Variants in ADAMTSL1 observed in about 807,000 individuals in gnomAD.
ADAMTSL1 encodes the protein ADAMTS like 1, also known as ADAMTS-like protein 1.
Under a neutral mutation model 201.8 loss-of-function variants are expected in ADAMTSL1, and 126 were observed. The observed-to-expected ratio is 0.62, with a 90% CI of 0.54 to 0.72. ADAMTSL1 has a LOEUF of 0.72. ADAMTSL1 is among the 30% of genes least tolerant of loss of function. The pLI is 0.00. For synonymous variants in ADAMTSL1, 1,121 were observed against 903.4 expected (o/e 1.24, Z -4.32); for missense variants, 2,679 against 2,277.8 (o/e 1.18, Z -3.59).
chr9:18,128,256 C>G (rs1025742322), intron 1 of ADAMTSL1, among the ~76,000 whole-genome samples: 2 of 152,152 alleles, frequency 1.3e-5, no homozygotes, highest in African/African-American at 4.8e-5. Context: ...TCCTCTTAAG[C>G]TATCAATGGA....
chr9:18,259,212 C>T (rs1050556386), intron 2 of ADAMTSL1, among the ~76,000 whole-genome samples: 53 of 152,306 alleles, frequency 3.5e-4, no homozygotes, highest in African/African-American at 1.2e-3. Flanking sequence ...CCAGCCCAAA[C>T]TTTAGGAATG....
At chr9:18,307,461 A>C (rs897309691) in intron 2 of ADAMTSL1, among the ~76,000 whole-genome samples, 2 of 152,116 alleles carry the variant, frequency 1.3e-5, no homozygotes, top group African/African-American at 4.8e-5. Context: ...CTCACGTGCA[A>C]AGACACACAT....
intron 9 of ADAMTSL1, among the ~76,000 whole-genome samples, chr9:18,671,675 A>C (rs777154053): frequency 2.6e-5 from 4 of 152,322 alleles, no homozygotes; most frequent in Middle Eastern, 3.4e-3. Flanking sequence ...TCCAGAGAAG[A>C]AGCAAGAGGT....
intron 1 of ADAMTSL1, among the ~76,000 whole-genome samples, chr9:17,912,255 T>C (rs1424893096): frequency 1.5e-5 from 1 of 66,944 alleles, no homozygotes; most frequent in African/African-American, 3.0e-5. Flanking sequence ...CCTGAGGAAT[T>C]ACCACACTGA....
At chr9:18,192,036 G>A (rs535893614) in intron 2 of ADAMTSL1, among the ~76,000 whole-genome samples, 5 of 152,032 alleles carry the variant, frequency 3.3e-5, no homozygotes, top group Non-Finnish European at 5.9e-5. Flanking sequence ...GACATTGATG[G>A]TATTCTTTCC....
At position 18,369,902 on chromosome 9, in the gene ADAMTSL1, A is replaced by T. The variant is rs370975892; in HGVS notation, c.208-134927A>T. On this transcript the variant is annotated intron_variant, in intron 2 of 29. Transcript: ENST00000680146. ...GCCATTAACCTAAGTGAAATAACTC[A>T]AATACAGAAAATCAAATACTAAATG... is the stretch of plus-strand genomic sequence containing the variant. Among the ~76,000 whole-genome samples the T allele has an allele frequency of 2.6e-5, 4 of 152,350 alleles. No individual in the cohort carries two copies. In the South Asian group the frequency reaches 8.3e-4, roughly 32 times the overall value.
chr9:17,924,827 T>C (rs1316321224), intron 1 of ADAMTSL1, among the ~76,000 whole-genome samples: 2 of 63,002 alleles, frequency 3.2e-5, no homozygotes, highest in African/African-American at 1.0e-4. Context: ...CCAAAAGCAA[T>C]GGCAACAAAA....
At chr9:18,046,025 A>G (rs988765840) in intron 1 of ADAMTSL1, among the ~76,000 whole-genome samples, 1 of 152,198 alleles carries the variant, frequency 6.6e-6, no homozygotes, top group Non-Finnish European at 1.5e-5. Context: ...GTTCCTAGCC[A>G]TTGTGGAAAG....
intron 5 of ADAMTSL1, among the ~76,000 whole-genome samples, chr9:18,625,214 A>T (rs1352890875): frequency 6.6e-6 from 1 of 151,428 alleles, no homozygotes; most frequent in Non-Finnish European, 1.5e-5. Context: ...CTCTCTTCAA[A>T]CTTCTGGCAC....
At position 18,909,101 on chromosome 9, in the gene ADAMTSL1, T is replaced by C. The variant is rs1345444289; in HGVS notation, c.*553T>C. 1 of 154,368 alleles carries C rather than the reference T, an allele frequency of 6.5e-6. No homozygotes were observed. Among genetic ancestry groups the C allele is most frequent in the East Asian group, 1.9e-4 (1 of 5,194 alleles). The allele number at this position is 154,368 out of a possible 1,614,324, so 9.6% of individuals were successfully genotyped here. A position where few individuals can be genotyped will look rare whatever the true frequency, so the allele number is the denominator to read the frequency against. On this transcript the variant is annotated 3_prime_UTR_variant, in exon 29 of 29. Transcript: ENST00000380548. ...CCCAGAACTCACTCAGTTCTTCTAG[T>C]GGGTGAGTGCAGAGAGAGAAGAACT...
At chr9:18,456,425 C>T (rs528383668) in intron 2 of ADAMTSL1, among the ~76,000 whole-genome samples, 2 of 152,074 alleles carry the variant, frequency 1.3e-5, no homozygotes, top group South Asian at 2.1e-4. Flanking sequence ...CTAGATTTTC[C>T]TTTTGGAATA....
chr9:18,538,485 G>T (rs1001068197), intron 3 of ADAMTSL1, among the ~76,000 whole-genome samples: 2 of 152,040 alleles, frequency 1.3e-5, no homozygotes, highest in Admixed American at 1.3e-4. Flanking sequence ...TTCTTAAGAA[G>T]TATCATATCT....
chr9:18,594,508 C>G (rs1004375664), intron 4 of ADAMTSL1, among the ~76,000 whole-genome samples: 1 of 152,024 alleles, frequency 6.6e-6, no homozygotes, highest in Non-Finnish European at 1.5e-5. Flanking sequence ...TTGTTCATTC[C>G]TTTTCATTCT....
chr9:17,970,831 TC>T (rs1338487551), intron 1 of ADAMTSL1, among the ~76,000 whole-genome samples: 8 of 152,030 alleles, frequency 5.3e-5, no homozygotes, highest in Non-Finnish European at 8.8e-5. Context: ...AATATTTATG[TC>T]TTTTCCCTGT....
chr9:17,961,694 C>A (rs1351262393), intron 1 of ADAMTSL1, among the ~76,000 whole-genome samples: 2 of 152,178 alleles, frequency 1.3e-5, no homozygotes, highest in Non-Finnish European at 2.9e-5. Context: ...GTGGAGCAGG[C>A]TTTGCTGCTG....
At chr9:18,831,799 G>A (rs192091519) in intron 23 of ADAMTSL1, among the ~76,000 whole-genome samples, 64 of 152,258 alleles carry the variant, frequency 4.2e-4, no homozygotes, top group East Asian at 2.9e-3. Context: ...TCAGTGTCAC[G>A]CCAGCACTAT....
chr9:18,108,774 CT>C (rs944164635), intron 1 of ADAMTSL1, among the ~76,000 whole-genome samples: 14 of 151,062 alleles, frequency 9.3e-5, no homozygotes, highest in South Asian at 4.2e-4. Context: ...AGAATTAGCT[CT>C]TTTTTTTTCT....
chr9:18,423,766 G>A (rs1290496408), intron 2 of ADAMTSL1, among the ~76,000 whole-genome samples: 1 of 152,200 alleles, frequency 6.6e-6, no homozygotes, highest in Non-Finnish European at 1.5e-5. Context: ...CTGGTAAAAT[G>A]TGCAAGAAAT....
intron 2 of ADAMTSL1, among the ~76,000 whole-genome samples, chr9:18,376,834 T>C (rs1162064387): frequency 1.3e-5 from 2 of 152,294 alleles, no homozygotes; most frequent in Middle Eastern, 3.4e-3. Context: ...TTGATGTTTG[T>C]TCAGATAGTC....
Sources: gnomAD v4.1 joint callset for allele counts (sites outside exome capture counted in the v4.1 genomes callset) on GRCh38, gnomAD v4.1.1 for gene constraint, MANE v1.5 for transcripts, NCBI Gene and HGNC (gene_info 2026-07-23, HGNC 2026-07-21) for gene names.